The following BET1L variants were observed in gnomAD, a reference collection of about 807,000 sequenced individuals.
The protein encoded by BET1L is Bet1 golgi vesicular membrane trafficking protein like.
BET1L carries 13 observed loss-of-function variants against 12.6 expected under a neutral mutation model. The ratio of observed to expected loss-of-function variants is 1.03; its 90% CI spans 0.67 to 1.64. The LOEUF is 1.64. Among genes scored for constraint, BET1L ranks in the 40% most tolerant of loss-of-function variants. The pLI is 0.00. For missense variants in BET1L, 154 were observed against 150.7 expected, an observed-to-expected ratio of 1.02 and a Z score of -0.11; for synonymous variants, 60 against 56.9, an observed-to-expected ratio of 1.05 and a Z score of -0.25.
At chr11:205,834 G>T in intron 2 of BET1L, 118 bp downstream of exon 2, 2 of 1,439,244 alleles carry the variant, frequency 1.4e-6, no homozygotes, top group Non-Finnish European at 9.6e-7. Flanking sequence ...GGTGAGCACA[G>T]CCACGAATTG....
chr11:206,683 G>A (rs1855168707), intron 1 of BET1L, among the ~76,000 whole-genome samples: 1 of 152,196 alleles, frequency 6.6e-6, no homozygotes, highest in African/African-American at 2.4e-5. Flanking sequence ...TGCTCGCAGA[G>A]GCCTGGCCTG....
chr11:205,296 A>G lies in BET1L; in HGVS notation c.*6T>C, dbSNP rs780439506. ...TTGGCACCCACAGACACCAGCTCCC[A>G]CTGGCTCACGTCCTTGCCCTGGACA... On this transcript the variant is annotated 3_prime_UTR_variant, in exon 4 of 4. Coordinates refer to ENST00000382762, the MANE Select transcript of BET1L (RefSeq NM_001098787.2). 3.7e-5 allele frequency: 59 copies of G among 1,609,778 alleles called. No homozygotes were observed. The highest frequency in any genetic ancestry group is 6.7e-5 in the Admixed American group (4 of 59,742).
In BET1L at chr11:205,638, C is replaced by T; in HGVS notation, c.141G>A (p.Glu47=). The T allele has an allele frequency of 3.7e-6, 6 of 1,612,550 alleles. No homozygotes were observed. Among genetic ancestry groups the T allele is most frequent in the Non-Finnish European group, 5.1e-6 (6 of 1,179,086 alleles). The change falls in exon 3 of 4, where the codon GAG becomes GAA. Residue 47 remains glutamate, a synonymous_variant. Transcript: ENST00000382762. The part of the protein sequence containing the change: ...SLALDIDRDA[E]DQNRYLDGMD... ...TGCCATCCAGGTACCGGTTCTGATC[C>T]TCTGCATCCCTATCGATGTCCAGGG...
At position 205,466 on chromosome 11, in the gene BET1L, A is replaced by C; in HGVS notation, c.172T>G (p.Ser58Ala). The part of the protein sequence containing the change: ...DQNRYLDGMD[S>A]DFTSMTSLLT... ...AGGCTGGTCATGCTTGTGAAATCCG[A>C]GTCCTAAGGGAGGAATCCCAGCAAG... The change falls in exon 4 of 4, where the codon TCG becomes GCG. Residue 58 changes from serine to alanine, a missense_variant. By Grantham distance (99) the Ser-to-Ala change is moderately conservative. Transcript: ENST00000382762. 1 of 1,614,198 alleles carries C rather than the reference A, an allele frequency of 6.2e-7. No individual in the cohort carries two copies. The highest frequency in any genetic ancestry group is 8.5e-7 in the Non-Finnish European group (1 of 1,180,022).
chr11:205,248 G>C lies in BET1L; in HGVS notation c.*54C>G. The C allele has an allele frequency of 1.3e-6, 2 of 1,570,364 alleles. No homozygotes were observed. The highest frequency in any genetic ancestry group is 1.8e-5 in the Admixed American group (1 of 54,758). On this transcript the variant is annotated 3_prime_UTR_variant, in exon 4 of 4. Transcript: ENST00000382762. ...AAGTCCTCTGGAGCCCAAAACACCAGGCAGGGAAGACCCTGGCTGCCCTTG... is the reference window on the plus strand; with the variant it reads ...AAGTCCTCTGGAGCCCAAAACACCACGCAGGGAAGACCCTGGCTGCCCTTG...
At chr11:206,956 CTA>C in intron 1 of BET1L, 2 of 376,266 alleles carry the variant, frequency 5.3e-6, no homozygotes, top group East Asian at 1.0e-4. Context: ...AGCACAGCCT[CTA>C]CTCCTAGGGC....
At chr11:207,140 G>A (rs1476434157) in intron 1 of BET1L, 163 bp downstream of exon 1, 3 of 971,402 alleles carry the variant, frequency 3.1e-6, no homozygotes, top group South Asian at 1.9e-5. Context: ...GCCGAAACCC[G>A]GCCCTGCTCG....
At chr11:206,720 A>G (rs1015943489) in intron 1 of BET1L, among the ~76,000 whole-genome samples, 2 of 152,178 alleles carry the variant, frequency 1.3e-5, no homozygotes, top group Non-Finnish European at 2.9e-5. Flanking sequence ...GGGATAAGGA[A>G]GTTCTGTCAC....
intron 2 of BET1L, 79 bp from the exon 3 acceptor site, chr11:205,746 A>C (rs1590070323): frequency 6.6e-7 from 1 of 1,525,738 alleles, no homozygotes. Flanking sequence ...GACCAGATAA[A>C]CCCTGCCAAC....
chr11:206,153 A>C, intron 1 of BET1L, 110 bp from the exon 2 acceptor site: 1 of 842,424 alleles, frequency 1.2e-6, no homozygotes, highest in Non-Finnish European at 1.9e-6. Context: ...GCCCTAACCA[A>C]GGTTCCAGCA....
At chr11:205,839 G>C (rs1477518732) in intron 2 of BET1L, 113 bp downstream of exon 2, 1 of 1,443,628 alleles carries the variant, frequency 6.9e-7, no homozygotes, top group Non-Finnish European at 9.6e-7. Context: ...GCACAGCCAC[G>C]AATTGGATGA....
chr11:205,098 A>G lies in BET1L; in HGVS notation c.*204T>C, dbSNP rs1437555963. The G allele has an allele frequency of 4.5e-6, 3 of 659,470 alleles. No individual in the cohort carries two copies. The highest frequency in any genetic ancestry group is 7.4e-6 in the Non-Finnish European group (3 of 404,010). 40.9% of individuals were successfully genotyped at this position (659,470 alleles called of 1,614,324 possible). On this transcript the variant is annotated 3_prime_UTR_variant, in exon 4 of 4. Transcript: ENST00000382762. ...GGCTGGGCCTTGGTTTCCCCGAGAG[A>G]GTCCCTTTCACACATGGGACCAGCC...
intron 1 of BET1L, chr11:207,101 G>T: frequency 1.6e-6 from 1 of 629,238 alleles, no homozygotes; most frequent in Non-Finnish European, 2.5e-6. Flanking sequence ...GGGCCGCCAC[G>T]CGCGCCTTCG....
chr11:204,368 G>A lies in BET1L; in HGVS notation c.*934C>T, dbSNP rs891461562. Reference sequence around the variant, plus strand: ...GAGGATGGCACAGAATGCCATCACAGCCAGGGGAGTCTGGCAGGGCTTGGC... The same window carrying A: ...GAGGATGGCACAGAATGCCATCACAACCAGGGGAGTCTGGCAGGGCTTGGC... On this transcript the variant is annotated 3_prime_UTR_variant, in exon 4 of 4. Coordinates refer to ENST00000382762, the MANE Select transcript of BET1L (RefSeq NM_001098787.2). 6.6e-6 allele frequency: 1 copy of A among 152,300 alleles called. No homozygotes were observed. The highest frequency in any genetic ancestry group is 1.5e-5 in the Non-Finnish European group (1 of 68,100). The allele number at this position is 152,300 out of a possible 1,614,324, so 9.4% of individuals were successfully genotyped here.
rs748837969 is a variant in BET1L at position 207,357 on chromosome 11, C to CGTG, written c.-37_-36insCAC. On this transcript the variant is annotated 5_prime_UTR_variant, in exon 1 of 4. Coordinates refer to ENST00000382762, the MANE Select transcript of BET1L (RefSeq NM_001098787.2). ...CCCGGCTCCTCGACGCGGACACCGA[C>CGTG]GCGGCCACAGCCGCCTCAGACGTGG... is the stretch of plus-strand genomic sequence containing the variant. 3.9e-5 allele frequency: 61 copies of CGTG among 1,548,114 alleles called. No homozygotes were observed. The highest frequency in any genetic ancestry group is 4.2e-4 in the Middle Eastern group (2 of 4,800).
intron 2 of BET1L, 97 bp downstream of exon 2, chr11:205,855 G>C: frequency 6.7e-7 from 1 of 1,494,680 alleles, no homozygotes; most frequent in Non-Finnish European, 9.2e-7. Flanking sequence ...GATGAGGATG[G>C]AAAACTGCCT....
At chr11:206,644 T>C (rs1281967799) in intron 1 of BET1L, among the ~76,000 whole-genome samples, 1 of 152,050 alleles carries the variant, frequency 6.6e-6, no homozygotes, top group Non-Finnish European at 1.5e-5. Context: ...GCATCCCGCA[T>C]GGGGCTTCCT....
chr11:206,729 A>T (rs1273343332), intron 1 of BET1L, among the ~76,000 whole-genome samples: 1 of 152,182 alleles, frequency 6.6e-6, no homozygotes, highest in Non-Finnish European at 1.5e-5. Context: ...AAGTTCTGTC[A>T]CATCAGGTGC....
At chr11:206,584 A>G (rs1855164869) in intron 1 of BET1L, among the ~76,000 whole-genome samples, 2 of 152,146 alleles carry the variant, frequency 1.3e-5, no homozygotes, top group South Asian at 2.1e-4. Context: ...AAAGTTCCCA[A>G]TTTCCCCGAG....
Sources: allele counts gnomAD v4.1 joint callset (sites outside exome capture counted in the v4.1 genomes callset), GRCh38; gene constraint gnomAD v4.1.1; transcripts MANE v1.5; gene names NCBI Gene and HGNC (gene_info 2026-07-23, HGNC 2026-07-21).